CUX2: variants seen among roughly 807,000 people sequenced by gnomAD.
The protein encoded by CUX2 is cut like homeobox 2.
CUX2 carries 40 observed loss-of-function variants against 144.8 expected under a neutral mutation model. That is an observed-to-expected ratio of 0.28 (90% CI 0.21 to 0.36). The LOEUF (loss-of-function observed/expected upper bound fraction) is 0.36, where lower values mean the gene tolerates loss of function less well. Ranked by LOEUF, CUX2 falls within the 10% of genes least tolerant of loss-of-function variation. The pLI, the probability that CUX2 is intolerant of heterozygous loss-of-function variation, is 1.00. For missense variants in CUX2, 1,615 were observed against 1,994.0 expected (o/e 0.81, Z 3.62); for synonymous variants, 827 against 875.6 (o/e 0.94, Z 0.98).
intron 3 of CUX2, among the ~76,000 whole-genome samples, chr12:111,244,918 T>G (rs1400498286): frequency 6.6e-6 from 1 of 152,190 alleles, no homozygotes; most frequent in Non-Finnish European, 1.5e-5. Context: ...ATTTCCATGC[T>G]TCCCACCAAA....
intron 1 of CUX2, among the ~76,000 whole-genome samples, chr12:111,170,234 A>G (rs991962448): frequency 4.6e-5 from 7 of 152,138 alleles, no homozygotes; most frequent in Non-Finnish European, 1.0e-4. Flanking sequence ...GTTCAAGACC[A>G]GCCTGACCAA....
intron 3 of CUX2, among the ~76,000 whole-genome samples, chr12:111,242,678 G>A (rs768616602): frequency 6.6e-6 from 1 of 152,138 alleles, no homozygotes; most frequent in Non-Finnish European, 1.5e-5. Context: ...GCCAGGCGTG[G>A]TGGTGCATGC....
intron 3 of CUX2, among the ~76,000 whole-genome samples, chr12:111,261,057 G>A (rs1192286018): frequency 1.3e-5 from 2 of 152,138 alleles, no homozygotes; most frequent in Admixed American, 1.3e-4. Flanking sequence ...CATCCTCATG[G>A]GCTCTGAACA....
At chr12:111,346,299 A>T (rs1888803055) in intron 21 of CUX2, among the ~76,000 whole-genome samples, 1 of 152,048 alleles carries the variant, frequency 6.6e-6, no homozygotes, top group African/African-American at 2.4e-5. Context: ...AACATGGTGA[A>T]ACCCTGCCTC....
intron 1 of CUX2, among the ~76,000 whole-genome samples, chr12:111,185,967 C>A (rs1172020546): frequency 6.6e-6 from 1 of 151,662 alleles, no homozygotes; most frequent in Non-Finnish European, 1.5e-5. Context: ...GTCTCTCTCT[C>A]CCCCTCTCTT....
Position 111,292,410 on chromosome 12 carries a change from T to C in CUX2, c.436+858T>C, listed in dbSNP as rs142285273. 2.1e-3 allele frequency among the ~76,000 whole-genome samples: 316 copies of C among 151,566 alleles called. 3 individuals are homozygous for C. The highest frequency in any genetic ancestry group is 7.4e-3 in the African/African-American group (305 of 41,370). ...TTCCAGACCAGCCTGACCAATATGGTGAAACCCTGTCTCTACTAAAAATAC... is the reference window on the plus strand; with the variant it reads ...TTCCAGACCAGCCTGACCAATATGGCGAAACCCTGTCTCTACTAAAAATAC... On this transcript the variant is annotated intron_variant, in intron 5 of 21. Transcript: ENST00000261726.
At chr12:111,180,476 G>T (rs1404504212) in intron 1 of CUX2, among the ~76,000 whole-genome samples, 1 of 152,196 alleles carries the variant, frequency 6.6e-6, no homozygotes, top group Non-Finnish European at 1.5e-5. Flanking sequence ...AGCTGTCCCT[G>T]CAAAGGAGAA....
intron 21 of CUX2, among the ~76,000 whole-genome samples, chr12:111,345,935 C>A (rs1183736735): frequency 7.0e-6 from 1 of 142,654 alleles, no homozygotes; most frequent in Non-Finnish European, 1.5e-5. Context: ...CATGGTGAAA[C>A]CCCGTCTCTA....
chr12:111,229,691 C>T (rs1882361875), intron 3 of CUX2, among the ~76,000 whole-genome samples: 1 of 151,824 alleles, frequency 6.6e-6, no homozygotes, highest in Non-Finnish European at 1.5e-5. Context: ...TGTTTGAGCT[C>T]AGGAGGTCAA....
At chr12:111,066,729 A>T (rs1000626887) in intron 1 of CUX2, among the ~76,000 whole-genome samples, 7 of 152,244 alleles carry the variant, frequency 4.6e-5, no homozygotes, top group African/African-American at 1.7e-4. Flanking sequence ...GAGGAGGGTC[A>T]GAATGGTGTC....
At chr12:111,201,162 G>A (rs899985710) in intron 1 of CUX2, among the ~76,000 whole-genome samples, 1 of 152,098 alleles carries the variant, frequency 6.6e-6, no homozygotes, top group Non-Finnish European at 1.5e-5. Flanking sequence ...GGAGGCATTG[G>A]CTCCTTGCCA....
chr12:111,306,853 TG>T (rs1886609309), intron 10 of CUX2, 67 bp from the exon 11 acceptor site: 9 of 1,322,590 alleles, frequency 6.8e-6, no homozygotes, highest in Non-Finnish European at 9.4e-6. Flanking sequence ...GATTCAGGGG[TG>T]GGGAGGCCAG....
Position 111,314,661 on chromosome 12 carries a change from AAAAAAAAC to A in CUX2, c.2002+2461_2002+2468del, listed in dbSNP as rs1458456263. 3.9e-4 allele frequency among the ~76,000 whole-genome samples: 29 copies of A among 74,590 alleles called. 1 individual carries two copies. The highest frequency in any genetic ancestry group is 3.3e-3 in the African/African-American group (26 of 7,808). The allele number at this position is 74,590 out of a possible 152,430, so 48.9% of individuals were successfully genotyped here. On this transcript the variant is annotated intron_variant, in intron 16 of 21. Coordinates refer to ENST00000261726, the MANE Select transcript of CUX2 (RefSeq NM_015267.4). The stretch of plus-strand genomic sequence containing the variant: ...GTCTAAAAAAAAAAAAAAAAAAAAA[AAAAAAAAC>A]CCCATCTCCTCTAAAAATACAAAAA...
chr12:111,034,872 C>A lies in CUX2; in HGVS notation c.63+632C>A, dbSNP rs930378954. 6.7e-6 allele frequency among the ~76,000 whole-genome samples: 1 copy of A among 149,468 alleles called. No homozygotes were observed. ...GCCGCCACCCGGGGGCCGCCGCCGCCGCCGCCAGAGCCGCCGCCGCCGGAC... is the reference window on the plus strand; with the variant it reads ...GCCGCCACCCGGGGGCCGCCGCCGCAGCCGCCAGAGCCGCCGCCGCCGGAC... On this transcript the variant is annotated intron_variant, in intron 1 of 21. Transcript: ENST00000261726. The surrounding 1 kb of genome is among the most constrained non-coding windows in gnomAD (Gnocchi z 4.2).
chr12:111,162,743 G>A (rs1877860318), intron 1 of CUX2, among the ~76,000 whole-genome samples: 2 of 152,218 alleles, frequency 1.3e-5, no homozygotes, highest in Admixed American at 6.5e-5. Context: ...GAGAGACGAA[G>A]AGCATAGAAT....
chr12:111,038,056 G>GT, intron 1 of CUX2, among the ~76,000 whole-genome samples: 1 of 152,352 alleles, frequency 6.6e-6, no homozygotes, highest in East Asian at 1.9e-4. Flanking sequence ...TTTCCAAGGA[G>GT]TTTGGAGAAA....
At chr12:111,223,876 T>C (rs1333240584) in intron 3 of CUX2, among the ~76,000 whole-genome samples, 1 of 152,144 alleles carries the variant, frequency 6.6e-6, no homozygotes, top group Non-Finnish European at 1.5e-5. Context: ...CTTTCAAATG[T>C]CAGGTCCTGG....
intron 18 of CUX2, among the ~76,000 whole-genome samples, chr12:111,326,208 T>G (rs1223307241): frequency 6.9e-5 from 1 of 14,514 alleles, no homozygotes; most frequent in Non-Finnish European, 1.1e-4. Flanking sequence ...AGTGTTGTGG[T>G]GGGGGAGGGG....
intron 1 of CUX2, among the ~76,000 whole-genome samples, chr12:111,156,227 C>T (rs1050517490): frequency 1.8e-4 from 28 of 152,170 alleles, no homozygotes; most frequent in African/African-American, 6.8e-4. Context: ...TTCCCTCCTG[C>T]CCTCATCCCT....
Sources: allele counts gnomAD v4.1 joint callset (sites outside exome capture counted in the v4.1 genomes callset), GRCh38; gene constraint gnomAD v4.1.1; non-coding constraint Gnocchi (gnomAD v3.1); transcripts MANE v1.5; gene names NCBI Gene and HGNC (gene_info 2026-07-23, HGNC 2026-07-21).